AFF1: variants seen among roughly 807,000 people sequenced by gnomAD.
AFF1 encodes the protein ALF transcription elongation factor 1.
AFF1 carries 48 observed loss-of-function variants against 121.7 expected under a neutral mutation model. That is an observed-to-expected ratio of 0.39 (90% CI 0.31 to 0.50). The LOEUF (loss-of-function observed/expected upper bound fraction) is 0.50, where lower values mean the gene tolerates loss of function less well. AFF1 is among the 20% of genes least tolerant of loss of function. AFF1 has a pLI of 0.76. For missense variants in AFF1, 1,523 were observed against 1,511.7 expected (o/e 1.01, Z -0.12); for synonymous variants, 613 against 563.0 (o/e 1.09, Z -1.26).
chr4:87,092,772 C>T (rs236989), intron 7 of AFF1, among the ~76,000 whole-genome samples: 6,092 of 152,182 alleles, frequency 0.04, 195 homozygotes, highest in African/African-American at 0.08. Context: ...TAAATAAACC[C>T]GACTATATTG....
At chr4:87,081,193 A>T (rs1723141594) in intron 4 of AFF1, among the ~76,000 whole-genome samples, 1 of 112,808 alleles carries the variant, frequency 8.9e-6, no homozygotes, top group Non-Finnish European at 1.6e-5. Flanking sequence ...ACAGAGTCTC[A>T]CTCGGTCTCC....
intron 2 of AFF1, among the ~76,000 whole-genome samples, chr4:87,024,271 A>G (rs1305420851): frequency 6.6e-6 from 1 of 152,326 alleles, no homozygotes; most frequent in East Asian, 1.9e-4. Context: ...GAAGGCATAG[A>G]AAATGGAATA....
Position 87,111,335 on chromosome 4 carries a change from T to A in AFF1, c.1533+3020T>A, listed in dbSNP as rs949789944. Among the ~76,000 whole-genome samples the A allele has an allele frequency of 3.0e-4, 45 of 151,488 alleles. 7 individuals carry two copies. Among genetic ancestry groups the A allele is most frequent in the Non-Finnish European group, 4.6e-4 (31 of 67,884 alleles). On this transcript the variant is annotated intron_variant, in intron 11 of 20. Coordinates refer to ENST00000395146, the MANE Select transcript of AFF1 (RefSeq NM_001166693.3). ...CCCGGCCTTACTTAAACTTTATTTT[T>A]AAAAATATTTTATTTTCATTTTTAT...
chr4:87,013,072 T>G (rs1028526348), intron 2 of AFF1, among the ~76,000 whole-genome samples: 2 of 140,480 alleles, frequency 1.4e-5, no homozygotes, highest in South Asian at 4.5e-4. Context: ...AGACGGAGTT[T>G]CGCTCTTGTT....
At chr4:86,949,643 T>C (rs1262022970) in intron 2 of AFF1, 15 of 1,517,454 alleles carry the variant, frequency 9.9e-6, no homozygotes, top group Non-Finnish European at 1.3e-5. Context: ...GTTGAGGGGC[T>C]GAGCCTCAGC....
At position 87,114,526 on chromosome 4, in the gene AFF1, G is replaced by A. The variant is rs1476017314; in HGVS notation, c.1693G>A (p.Glu565Lys). The A allele has an allele frequency of 6.2e-7, 1 of 1,612,758 alleles. No homozygotes were observed. The highest frequency in any genetic ancestry group is 1.3e-5 in the African/African-American group (1 of 74,870). Residue 565 changes from glutamate (E) to lysine (K), a missense_variant, in exon 12 of 21, where the codon GAA becomes AAA. Physicochemically the swap from Glu to Lys is moderately conservative, Grantham distance 56. Coordinates refer to ENST00000395146, the MANE Select transcript of AFF1 (RefSeq NM_001166693.3). Reference sequence around the variant, plus strand: ...CAGTGCCACGAGTCAGGAGCATTCTGAATCCAAAGATCCTCCCCCTAAAAG... The same window carrying A: ...CAGTGCCACGAGTCAGGAGCATTCTAAATCCAAAGATCCTCCCCCTAAAAG... ...SDSATSQEHS[E>K]SKDPPPKSSS... is the part of the protein sequence containing the mutation.
intron 12 of AFF1, among the ~76,000 whole-genome samples, chr4:87,121,099 C>T (rs3755980): frequency 0.18 from 27,960 of 152,088 alleles, 3,054 homozygotes; most frequent in East Asian, 0.39. Flanking sequence ...ATTCGTCAGC[C>T]GGCAGCCTCC....
At chr4:86,943,933 C>A (rs537301823) in intron 1 of AFF1, among the ~76,000 whole-genome samples, 2 of 150,528 alleles carry the variant, frequency 1.3e-5, no homozygotes, top group East Asian at 3.9e-4. Context: ...TGCACTCCAG[C>A]CTGGGCAACA....
intron 13 of AFF1, 45 bp downstream of exon 13, chr4:87,125,188 C>T (rs1728112096): frequency 1.4e-6 from 2 of 1,443,524 alleles, no homozygotes; most frequent in Non-Finnish European, 1.9e-6. Flanking sequence ...GTGATCAACA[C>T]TTCTTGGGTC....
chr4:86,945,319 C>CTTTTTTT (rs72025655), intron 1 of AFF1, among the ~76,000 whole-genome samples: 1 of 111,690 alleles, frequency 9.0e-6, no homozygotes, highest in Non-Finnish European at 1.7e-5. Flanking sequence ...TTTTCTTTTC[C>CTTTTTTT]TTTTTTTTTT....
At chr4:87,131,666 A>AT in intron 17 of AFF1, 127 bp from the exon 18 acceptor site, 4 of 841,938 alleles carry the variant, frequency 4.8e-6, no homozygotes, top group Admixed American at 3.2e-5. Flanking sequence ...GGGTTTTTAA[A>AT]TTTTTTTCCT....
Position 87,126,317 on chromosome 4 carries a change from G to C in AFF1, c.2792G>C (p.Arg931Thr), listed in dbSNP as rs1468083283. 1 of 1,614,144 alleles carries C rather than the reference G, an allele frequency of 6.2e-7. No homozygotes were observed. Among genetic ancestry groups the C allele is most frequent in the Admixed American group, 1.7e-5 (1 of 60,020 alleles). The change falls in exon 14 of 21, where the codon AGA becomes ACA. Residue 931 changes from arginine to threonine, a missense_variant. Physicochemically the swap from Arg to Thr is moderately conservative, Grantham distance 71. This residue lies in a region of AFF1 where 905 missense variants were observed against 842.5 expected (regional missense o/e 1.07). Coordinates refer to ENST00000395146, the MANE Select transcript of AFF1 (RefSeq NM_001166693.3). Reference sequence around the variant, plus strand: ...AGAAGAGTAGAGGGGAAGGGCTCCAGAAGCTCCTCGGAGCACAAGGTGAGC... The same window carrying C: ...AGAAGAGTAGAGGGGAAGGGCTCCACAAGCTCCTCGGAGCACAAGGTGAGC... ...KQRRVEGKGS[R>T]SSSEHKGSSG...
chr4:87,106,596 T>G (rs914728831), intron 10 of AFF1, among the ~76,000 whole-genome samples: 4 of 152,202 alleles, frequency 2.6e-5, no homozygotes, highest in Non-Finnish European at 5.9e-5. Flanking sequence ...CTTTTCAAAA[T>G]GACCAGCAGT....
At chr4:87,030,209 G>T (rs1728933788) in intron 2 of AFF1, among the ~76,000 whole-genome samples, 1 of 151,946 alleles carries the variant, frequency 6.6e-6, no homozygotes. Context: ...CCTTTTCTGT[G>T]AAGGACCAGA....
At chr4:87,035,290 G>T (rs1729447157) in intron 2 of AFF1, among the ~76,000 whole-genome samples, 1 of 152,100 alleles carries the variant, frequency 6.6e-6, no homozygotes, top group African/African-American at 2.4e-5. Flanking sequence ...GGCCTGGCAT[G>T]GTGGCTCACA....
chr4:86,979,948 T>C (rs955996882), intron 2 of AFF1, among the ~76,000 whole-genome samples: 16 of 152,204 alleles, frequency 1.1e-4, no homozygotes, highest in African/African-American at 3.9e-4. Context: ...TCTCACTCTG[T>C]TGCCCAGGCT....
At chr4:86,960,299 A>T (rs189965444) in intron 2 of AFF1, among the ~76,000 whole-genome samples, 1 of 152,266 alleles carries the variant, frequency 6.6e-6, no homozygotes, top group African/African-American at 2.4e-5. Flanking sequence ...CCCAGCAGGT[A>T]TCCTGCATGT....
In AFF1 at chr4:87,139,599, G is replaced by A. The variant is rs191256874; in HGVS notation, c.*3898G>A. The A allele has an allele frequency of 1.1e-4, 26 of 230,206 alleles. No homozygotes were observed. In the East Asian group the frequency reaches 1.5e-3, roughly 14 times the overall value. 14.3% of individuals were successfully genotyped at this position (230,206 alleles called of 1,614,324 possible). ...CATTGCAGCCATGAAGGGATGCTAG[G>A]ATCAATTATGGCAGTACCTTTTTTC... On this transcript the variant is annotated 3_prime_UTR_variant, in exon 21 of 21. Transcript: ENST00000395146.
rs1560655925 is a variant in AFF1 at position 87,126,304 on chromosome 4, G to A, written c.2779G>A (p.Gly927Arg). 1.2e-6 allele frequency: 2 copies of A among 1,614,132 alleles called. No individual in the cohort carries two copies. The highest frequency in any genetic ancestry group is 3.3e-5 in the Admixed American group (2 of 60,016). The stretch of plus-strand genomic sequence containing the variant: ...CATTCCCAAGCAGAGAAGAGTAGAG[G>A]GGAAGGGCTCCAGAAGCTCCTCGGA... The part of the protein sequence containing the change: ...SSIPKQRRVE[G>R]KGSRSSSEHK... Residue 927 changes from glycine to arginine, a missense_variant, in exon 14 of 21, where the codon GGG (glycine) becomes AGG (arginine). Physicochemically the swap from Gly to Arg is moderately radical, Grantham distance 125. This residue lies in a region of AFF1 where 905 missense variants were observed against 842.5 expected (regional missense o/e 1.07). Transcript: ENST00000395146.
Sources: gnomAD v4.1 joint callset for allele counts (sites outside exome capture counted in the v4.1 genomes callset) on GRCh38, gnomAD v4.1.1 for gene constraint, gnomAD v4.1.1 regional missense constraint, MANE v1.5 for transcripts, NCBI Gene and HGNC (gene_info 2026-07-23, HGNC 2026-07-21) for gene names.